The following ARHGAP21 variants were observed in gnomAD, a reference collection of about 807,000 sequenced individuals.
ARHGAP21 encodes the protein Rho GTPase activating protein 21.
A neutral mutation model predicts 164.6 loss-of-function variants in ARHGAP21; 38 were observed. The observed-to-expected ratio is 0.23, with a 90% confidence interval of 0.18 to 0.30. ARHGAP21 has a LOEUF of 0.30. Ranked by LOEUF, ARHGAP21 falls within the 10% of genes least tolerant of loss-of-function variation. ARHGAP21 has a pLI of 1.00. For synonymous variants in ARHGAP21, 766 were observed against 857.9 expected (o/e 0.89, Z 1.87); for missense variants, 1,822 against 2,370.7 (o/e 0.77, Z 4.81).
At chr10:24,592,755 A>G (rs1274133066) in intron 21 of ARHGAP21, among the ~76,000 whole-genome samples, 1 of 152,064 alleles carries the variant, frequency 6.6e-6, no homozygotes, top group Admixed American at 6.5e-5. Flanking sequence ...AGAAAAAAAA[A>G]ACAAAAAACT....
chr10:24,615,682 C>T (rs1265442756), intron 9 of ARHGAP21, among the ~76,000 whole-genome samples: 3 of 152,162 alleles, frequency 2.0e-5, no homozygotes, highest in East Asian at 1.9e-4. Context: ...TTAATTCTGC[C>T]ATAAATTCCC....
At chr10:24,658,565 A>G (rs1839332647) in intron 4 of ARHGAP21, among the ~76,000 whole-genome samples, 1 of 152,172 alleles carries the variant, frequency 6.6e-6, no homozygotes, top group Non-Finnish European at 1.5e-5. Flanking sequence ...CATCTGAGCA[A>G]ACTATCGCAA....
At chr10:24,599,448 G>GTAAAC (rs2076720107) in intron 14 of ARHGAP21, among the ~76,000 whole-genome samples, 1 of 152,252 alleles carries the variant, frequency 6.6e-6, no homozygotes, top group South Asian at 2.1e-4. Flanking sequence ...AAGGCAGAGT[G>GTAAAC]TAAACTACCA....
In ARHGAP21 at chr10:24,649,296, T is replaced by C. The variant is rs574768590; in HGVS notation, c.269-14193A>G. Among the ~76,000 whole-genome samples, 4 of 152,310 alleles carry C rather than the reference T, an allele frequency of 2.6e-5. No homozygotes were observed. The South Asian group carries it at 6.2e-4, about 24-fold the overall frequency. On this transcript the variant is annotated intron_variant, in intron 4 of 25. Transcript: ENST00000396432. ...TAGAAAATTATATCCTAAAATATTA[T>C]TGATACCAGTGAAACAATATATGCC...
chr10:24,679,136 A>G (rs1024848781), intron 2 of ARHGAP21, among the ~76,000 whole-genome samples: 2 of 152,328 alleles, frequency 1.3e-5, no homozygotes, highest in East Asian at 3.9e-4. Flanking sequence ...CAAGAGTGCT[A>G]CTGTTGGGTC....
Position 24,723,629 on chromosome 10 carries a change from C to A in ARHGAP21, c.-448G>T. The A allele has an allele frequency of 6.8e-6, 1 of 147,528 alleles. No homozygotes were observed. The highest frequency in any genetic ancestry group is 1.8e-4 in the South Asian group (1 of 5,584). The allele number at this position is 147,528 out of a possible 1,614,324, so 9.1% of individuals were successfully genotyped here. A position where few individuals can be genotyped will look rare whatever the true frequency, so the allele number is the denominator to read the frequency against. On this transcript the variant is annotated 5_prime_UTR_variant, in exon 1 of 26. Coordinates refer to ENST00000396432, the MANE Select transcript of ARHGAP21 (RefSeq NM_020824.4). The stretch of plus-strand genomic sequence containing the variant: ...TCCGGGACAGCGCGCCCCGCCCGCC[C>A]GCCCGGCGTGAGCCGGACCCCGCAG...
At chr10:24,646,162 TA>T in intron 4 of ARHGAP21, among the ~76,000 whole-genome samples, 1 of 152,220 alleles carries the variant, frequency 6.6e-6, no homozygotes, top group Non-Finnish European at 1.5e-5. Context: ...AATTATCTGT[TA>T]AACATCAAAA....
rs2076285508 is a variant in ARHGAP21, at chr10:24,590,576, TAAAACAACATGCTAGATTAGTGC to T, written c.4150+626_4150+648del. Reference sequence around the variant, plus strand: ...CTAGAGACAAAGGGAGAACATTGTGTAAAACAACATGCTAGATTAGTGCAACAGTTTGGCAGGAGAAAGTTTTC... The same window carrying T: ...CTAGAGACAAAGGGAGAACATTGTGTAACAGTTTGGCAGGAGAAAGTTTTC... On this transcript the variant is annotated intron_variant, in intron 24 of 25. Coordinates refer to ENST00000396432, the MANE Select transcript of ARHGAP21 (RefSeq NM_020824.4). 1.1e-5 allele frequency: 16 copies of T among 1,465,530 alleles called. No individual in the cohort carries two copies. The South Asian group carries it at 2.3e-4, about 21-fold the overall frequency. The allele number at this position is 1,465,530 out of a possible 1,614,324, so 90.8% of individuals were successfully genotyped here.
intron 14 of ARHGAP21, among the ~76,000 whole-genome samples, 199 bp from the exon 15 acceptor site, chr10:24,598,208 G>C (rs974285681): frequency 6.6e-6 from 1 of 152,042 alleles, no homozygotes; most frequent in Non-Finnish European, 1.5e-5. Flanking sequence ...ATTGCCAAAG[G>C]GTTTTGCTTC....
chr10:24,671,281 C>T lies in ARHGAP21; in HGVS notation c.64-884G>A, dbSNP rs143413156. 5.6e-4 allele frequency among the ~76,000 whole-genome samples: 85 copies of T among 152,268 alleles called. 1 individual carries two copies. Among genetic ancestry groups the T allele is most frequent in the Middle Eastern group, 3.4e-3 (1 of 294 alleles). ...TGGGTAGAGAAAAACAAAAACTAAG[C>T]TATTTCACTCTAAGTTCATGACTAC... is the stretch of plus-strand genomic sequence containing the variant. On this transcript the variant is annotated intron_variant, in intron 2 of 25. Transcript: ENST00000396432.
At chr10:24,717,855 A>G (rs1450867418) in intron 2 of ARHGAP21, among the ~76,000 whole-genome samples, 1 of 122,006 alleles carries the variant, frequency 8.2e-6, no homozygotes, top group Non-Finnish European at 1.8e-5. Flanking sequence ...CAGCCTCCAA[A>G]CAGTTGGGAC....
chr10:24,620,851 A>G lies in ARHGAP21; in HGVS notation c.1044T>C (p.Ser348=). Residue 348 remains serine, a synonymous_variant, in exon 9 of 26, where the codon TCT becomes TCC. Transcript: ENST00000396432. The stretch of plus-strand genomic sequence containing the variant: ...CATCAGAATGTCCACTGTAATTTCC[A>G]GACTTAAGTAAAATTCCAGAAGGTT... ...SLEPSGILLK[S]GNYSGHSDGI... is the part of the protein sequence containing the mutation. 1 of 1,614,010 alleles carries G rather than the reference A, an allele frequency of 6.2e-7. No homozygotes were observed. The highest frequency in any genetic ancestry group is 1.3e-5 in the African/African-American group (1 of 75,044).
chr10:24,693,541 T>TG (rs1374278500), intron 2 of ARHGAP21, among the ~76,000 whole-genome samples: 1 of 152,060 alleles, frequency 6.6e-6, no homozygotes, highest in Non-Finnish European at 1.5e-5. Context: ...TTAGTAGAGA[T>TG]GGGGTTTCAC....
At chr10:24,661,651 TA>T (rs1839703609) in intron 4 of ARHGAP21, among the ~76,000 whole-genome samples, 1 of 152,204 alleles carries the variant, frequency 6.6e-6, no homozygotes, top group South Asian at 2.1e-4. Context: ...CCGATTCCAT[TA>T]AACTAACACA....
intron 2 of ARHGAP21, among the ~76,000 whole-genome samples, chr10:24,689,964 G>GCA (rs1565169578): frequency 6.8e-6 from 1 of 148,098 alleles, no homozygotes; most frequent in Non-Finnish European, 1.5e-5. Context: ...GTGTGTGTGT[G>GCA]TATATACACA....
intron 4 of ARHGAP21, among the ~76,000 whole-genome samples, chr10:24,649,134 A>G (rs762100172): frequency 1.3e-5 from 2 of 152,236 alleles, no homozygotes; most frequent in Non-Finnish European, 2.9e-5. Context: ...TTTTATTATA[A>G]CTACATCTTA....
intron 4 of ARHGAP21, among the ~76,000 whole-genome samples, chr10:24,641,402 G>C (rs2131431699): frequency 6.6e-6 from 1 of 152,228 alleles, no homozygotes. Flanking sequence ...GCAGGTGACA[G>C]CTAGCACTTT....
intron 13 of ARHGAP21, among the ~76,000 whole-genome samples, chr10:24,601,769 T>C (rs1016526274): frequency 1.3e-5 from 2 of 152,142 alleles, no homozygotes; most frequent in Admixed American, 1.3e-4. Context: ...TACATGTAGC[T>C]GATACACAGG....
chr10:24,616,456 T>G (rs758338106), intron 9 of ARHGAP21, among the ~76,000 whole-genome samples: 1 of 152,202 alleles, frequency 6.6e-6, no homozygotes, highest in Non-Finnish European at 1.5e-5. Context: ...GTATGGACAA[T>G]GTAATCCAGC....
Sources: allele counts gnomAD v4.1 joint callset (sites outside exome capture counted in the v4.1 genomes callset), GRCh38; gene constraint gnomAD v4.1.1; transcripts MANE v1.5; gene names NCBI Gene and HGNC (gene_info 2026-07-23, HGNC 2026-07-21).